The following RNF141 variants were observed in gnomAD, a reference collection of about 807,000 sequenced individuals.
The protein encoded by RNF141 is C3HC4-like zinc finger protein.
RNF141 carries 18 observed loss-of-function variants against 27.4 expected under a neutral mutation model. The observed-to-expected ratio is 0.66, with a 90% CI of 0.45 to 0.97. RNF141 has a LOEUF of 0.97. Among genes scored for constraint, RNF141 ranks in the 50% least tolerant of loss-of-function variants. The pLI is 0.00. For synonymous variants in RNF141, 97 were observed against 96.6 expected, an observed-to-expected ratio of 1.00 and a Z score of -0.02; for missense variants, 230 against 279.4, an observed-to-expected ratio of 0.82 and a Z score of 1.26.
At chr11:10,527,346 G>A (rs1176122831) in intron 3 of RNF141, among the ~76,000 whole-genome samples, 1 of 152,156 alleles carries the variant, frequency 6.6e-6, no homozygotes, top group African/African-American at 2.4e-5. Context: ...GGGGTTACAG[G>A]GAAGGCCTTA....
At chr11:10,532,852 G>A (rs1396004179) in intron 2 of RNF141, among the ~76,000 whole-genome samples, 2 of 152,130 alleles carry the variant, frequency 1.3e-5, no homozygotes, top group Admixed American at 6.5e-5. Context: ...ACTGCTAGTC[G>A]ATTTCATTCA....
intron 3 of RNF141, among the ~76,000 whole-genome samples, chr11:10,528,729 A>G (rs1479589541): frequency 1.3e-5 from 2 of 152,242 alleles, no homozygotes; most frequent in Admixed American, 1.3e-4. Context: ...TCATTTAAAA[A>G]GAGAGTATTA....
At chr11:10,532,496 T>TATACAC (rs1849995183) in intron 2 of RNF141, among the ~76,000 whole-genome samples, 1 of 131,156 alleles carries the variant, frequency 7.6e-6, no homozygotes, top group Non-Finnish European at 1.6e-5. Flanking sequence ...GTTCATTTTC[T>TATACAC]ACACACACAC....
chr11:10,537,287 A>AG (rs1221197017), intron 1 of RNF141, among the ~76,000 whole-genome samples: 1 of 152,192 alleles, frequency 6.6e-6, no homozygotes, highest in Non-Finnish European at 1.5e-5. Flanking sequence ...CTGGGTGGGA[A>AG]GTGGAGTAGG....
chr11:10,516,098 G>C (rs1463372587), intron 5 of RNF141: 1 of 152,092 alleles, frequency 6.6e-6, no homozygotes, highest in Non-Finnish European at 1.5e-5. Flanking sequence ...CAAAAATTTA[G>C]AACTCTGTTC....
Position 10,514,252 on chromosome 11 carries a change from A to G in RNF141, c.*664T>C, listed in dbSNP as rs1849825276. The G allele has an allele frequency of 6.6e-6, 1 of 152,194 alleles. No individual in the cohort carries two copies. Among genetic ancestry groups the G allele is most frequent in the South Asian group, 2.1e-4 (1 of 4,820 alleles). The allele number at this position is 152,194 out of a possible 1,614,324, so 9.4% of individuals were successfully genotyped here. On this transcript the variant is annotated 3_prime_UTR_variant, in exon 6 of 6. Coordinates refer to ENST00000265981, the MANE Select transcript of RNF141 (RefSeq NM_016422.4). Reference sequence around the variant, plus strand: ...AAATCCATTTGCAAAGGAAAGTCACACCCAATTTTGTAGACCTCACCCAAA... The same window carrying G: ...AAATCCATTTGCAAAGGAAAGTCACGCCCAATTTTGTAGACCTCACCCAAA...
At position 10,534,107 on chromosome 11, in the gene RNF141, C is replaced by G. The variant is rs1372907111; in HGVS notation, c.52G>C (p.Glu18Gln). 6.2e-7 allele frequency: 1 copy of G among 1,613,704 alleles called. No individual in the cohort carries two copies. Among genetic ancestry groups the G allele is most frequent in the Non-Finnish European group, 8.5e-7 (1 of 1,179,710 alleles). Residue 18 changes from glutamate (E) to glutamine (Q), a missense_variant, in exon 2 of 6, where the codon GAA becomes CAA. Coordinates refer to ENST00000265981, the MANE Select transcript of RNF141 (RefSeq NM_016422.4). ...AACGTAACATGTTTTGCTACTTTTT[C>G]TGGTAACTTGTTAATAACCAACTGT... ...QTQLVINKLP[E>Q]KVAKHVTLVR...
At position 10,515,427 on chromosome 11, in the gene RNF141, ATTTG is replaced by A. The variant is rs1564864826; in HGVS notation, c.543-365_543-362del. ...ACATACACTGTATCGCTATGCCATA[ATTTG>A]TTTAACTAGTCTCCTGCAGAAGGAC... On this transcript the variant is annotated intron_variant, in intron 5 of 5. Coordinates refer to ENST00000265981, the MANE Select transcript of RNF141 (RefSeq NM_016422.4). 2.4e-5 allele frequency: 4 copies of A among 165,992 alleles called. 1 individual carries two copies. The highest frequency in any genetic ancestry group is 2.0e-4 in the South Asian group (1 of 5,000). 10.3% of individuals were successfully genotyped at this position (165,992 alleles called of 1,614,324 possible).
intron 4 of RNF141, among the ~76,000 whole-genome samples, chr11:10,520,792 C>T (rs186488322): frequency 1.3e-5 from 2 of 152,138 alleles, no homozygotes; most frequent in African/African-American, 2.4e-5. Context: ...ATGGCTACGA[C>T]GTCCACAGGC....
intron 4 of RNF141, 147 bp from the exon 5 acceptor site, chr11:10,519,288 A>G: frequency 1.9e-6 from 1 of 523,446 alleles, no homozygotes; most frequent in Non-Finnish European, 3.3e-6. Flanking sequence ...ACTAAAATTA[A>G]TATTATCTTT....
At chr11:10,525,694 C>A (rs184970122) in intron 3 of RNF141, among the ~76,000 whole-genome samples, 41 of 152,276 alleles carry the variant, frequency 2.7e-4, no homozygotes, top group African/African-American at 9.6e-4. Flanking sequence ...ATTAACAATT[C>A]TTTCACTTTA....
chr11:10,530,760 A>G lies in RNF141; in HGVS notation c.144-9T>C. The stretch of plus-strand genomic sequence containing the variant: ...AAGCCACTTTAGCCGTTCTGAAAAG[A>G]GACAAGAACATGTTAATTTTATGAA... On this transcript the variant is annotated splice_polypyrimidine_tract_variant and intron_variant, in intron 2 of 5. Transcript: ENST00000265981. The G allele has an allele frequency of 1.3e-6, 2 of 1,537,926 alleles. No individual in the cohort carries two copies. The highest frequency in any genetic ancestry group is 1.8e-6 in the Non-Finnish European group (2 of 1,123,658).
At chr11:10,525,508 G>T in intron 3 of RNF141, 135 bp from the exon 4 acceptor site, 1 of 622,226 alleles carries the variant, frequency 1.6e-6, no homozygotes, top group Non-Finnish European at 2.7e-6. Flanking sequence ...ACATAAGAAA[G>T]CAAGAGTCTG....
chr11:10,536,382 T>C (rs1241148202), intron 1 of RNF141, among the ~76,000 whole-genome samples: 6 of 151,650 alleles, frequency 4.0e-5, no homozygotes, highest in Non-Finnish European at 8.8e-5. Context: ...GCACCAAGAG[T>C]TGGGCTGTTT....
chr11:10,534,327 A>T lies in RNF141; in HGVS notation c.-47-122T>A, dbSNP rs188196837. ...AGTGAGAGTTGAGTAGACCTACATG[A>T]GTCTAAGGTAGAATTTAAATGACTC... On this transcript the variant is annotated intron_variant, in intron 1 of 5. Coordinates refer to ENST00000265981, the MANE Select transcript of RNF141 (RefSeq NM_016422.4). The T allele has an allele frequency of 1.1e-3, 672 of 584,610 alleles. 3 individuals carry two copies. The highest frequency in any genetic ancestry group is 7.9e-4 in the Non-Finnish European group (271 of 340,890). 36.2% of individuals were successfully genotyped at this position (584,610 alleles called of 1,614,324 possible).
intron 2 of RNF141, 81 bp from the exon 3 acceptor site, chr11:10,530,832 A>C: frequency 1.4e-6 from 1 of 697,024 alleles, no homozygotes; most frequent in Admixed American, 3.1e-5. Flanking sequence ...TAGATTCAAG[A>C]AACAATTTCA....
chr11:10,538,180 CTTG>C (rs1464813322), intron 1 of RNF141, among the ~76,000 whole-genome samples: 11 of 152,200 alleles, frequency 7.2e-5, no homozygotes, highest in African/African-American at 2.4e-4. Context: ...AGCATATTAA[CTTG>C]TTATCTTGTA....
chr11:10,519,312 T>C (rs145008358), intron 4 of RNF141, among the ~76,000 whole-genome samples, 171 bp from the exon 5 acceptor site: 2 of 152,142 alleles, frequency 1.3e-5, no homozygotes, highest in African/African-American at 4.8e-5. Flanking sequence ...GGATAGCAAA[T>C]ATATTAGGGA....
chr11:10,515,965 T>A (rs893758819), intron 5 of RNF141: 3 of 152,228 alleles, frequency 2.0e-5, no homozygotes, highest in Admixed American at 1.3e-4. Context: ...ATTTTGGTAA[T>A]TTAAAAAATA....
Sources: allele counts gnomAD v4.1 joint callset (sites outside exome capture counted in the v4.1 genomes callset), GRCh38; gene constraint gnomAD v4.1.1; transcripts MANE v1.5; gene names NCBI Gene and HGNC (gene_info 2026-07-23, HGNC 2026-07-21).